CCDC91: variants seen among roughly 807,000 people sequenced by gnomAD.
CCDC91 encodes the protein coiled-coil domain containing 91.
CCDC91 carries 48 observed loss-of-function variants against 63.2 expected under a neutral mutation model. That is an observed-to-expected ratio of 0.76 (90% CI 0.60 to 0.97). The LOEUF (loss-of-function observed/expected upper bound fraction) is 0.97. Ranked by LOEUF, CCDC91 falls within the 50% of genes least tolerant of loss-of-function variation. The pLI is 0.00. For missense variants in CCDC91, 500 were observed against 494.6 expected (o/e 1.01, Z -0.10); for synonymous variants, 167 against 165.8 (o/e 1.01, Z -0.06).
At chr12:28,203,443 C>T (rs1200083991) in intron 1 of CCDC91, among the ~76,000 whole-genome samples, 4 of 152,160 alleles carry the variant, frequency 2.6e-5, no homozygotes, top group Admixed American at 2.6e-4. Flanking sequence ...TTATATTCCA[C>T]CACTTTGCTT....
chr12:28,263,990 G>GTT (rs1165945987), intron 3 of CCDC91, among the ~76,000 whole-genome samples: 29 of 141,506 alleles, frequency 2.0e-4, no homozygotes, highest in Non-Finnish European at 3.7e-4. Flanking sequence ...CTAAAAAGCT[G>GTT]TTTTTTTTTT....
intron 7 of CCDC91, among the ~76,000 whole-genome samples, chr12:28,372,660 G>A (rs1339687632): frequency 6.6e-6 from 1 of 151,958 alleles, no homozygotes; most frequent in Non-Finnish European, 1.5e-5. Context: ...TGGTGCTACT[G>A]ATGTGTGTAC....
At chr12:28,395,394 G>C (rs1946227368) in intron 8 of CCDC91, among the ~76,000 whole-genome samples, 1 of 152,184 alleles carries the variant, frequency 6.6e-6, no homozygotes, top group Admixed American at 6.5e-5. Context: ...CCTCACTTCA[G>C]ATGCCAGTTG....
At chr12:28,416,203 C>T (rs140140587) in intron 8 of CCDC91, among the ~76,000 whole-genome samples, 1 of 152,116 alleles carries the variant, frequency 6.6e-6, no homozygotes, top group Non-Finnish European at 1.5e-5. Context: ...TTATTTTTGT[C>T]AGTAAGTGTT....
chr12:28,211,133 C>A (rs541281114), intron 1 of CCDC91, among the ~76,000 whole-genome samples: 59 of 149,506 alleles, frequency 3.9e-4, no homozygotes, highest in Non-Finnish European at 5.9e-4. Flanking sequence ...CCTCAGAATT[C>A]TTTTTTGTGT....
intron 8 of CCDC91, among the ~76,000 whole-genome samples, chr12:28,401,502 C>T (rs963828845): frequency 1.3e-5 from 2 of 152,092 alleles, no homozygotes; most frequent in African/African-American, 4.8e-5. Flanking sequence ...CAGGAGGCCT[C>T]AGGAAACTTA....
intron 7 of CCDC91, among the ~76,000 whole-genome samples, chr12:28,378,571 A>T (rs1324011079): frequency 6.6e-6 from 1 of 152,096 alleles, no homozygotes; most frequent in Non-Finnish European, 1.5e-5. Context: ...AAGAGAGGAA[A>T]AGTAAAAATT....
intron 1 of CCDC91, among the ~76,000 whole-genome samples, chr12:28,220,565 A>G (rs1033406746): frequency 1.3e-5 from 2 of 150,918 alleles, no homozygotes; most frequent in Admixed American, 1.3e-4. Flanking sequence ...TCAGATTTCA[A>G]TCTGTTTTTG....
chr12:28,301,613 T>C (rs1938089587), intron 3 of CCDC91, among the ~76,000 whole-genome samples: 1 of 151,762 alleles, frequency 6.6e-6, no homozygotes, highest in South Asian at 2.1e-4. Flanking sequence ...ATTTTCAGTG[T>C]TCTTCTCAAT....
chr12:28,513,037 C>T (rs1035083744), intron 12 of CCDC91, among the ~76,000 whole-genome samples: 7 of 151,792 alleles, frequency 4.6e-5, no homozygotes, highest in African/African-American at 1.7e-4. Flanking sequence ...TCCAGGACTC[C>T]CTCAAAGGTA....
At chr12:28,393,312 C>T (rs930923851) in intron 8 of CCDC91, among the ~76,000 whole-genome samples, 1 of 151,776 alleles carries the variant, frequency 6.6e-6, no homozygotes, top group Non-Finnish European at 1.5e-5. Context: ...TTATAGTAGT[C>T]AGCTCTGTTA....
chr12:28,413,143 G>A (rs1051497678), intron 8 of CCDC91, among the ~76,000 whole-genome samples: 5 of 152,042 alleles, frequency 3.3e-5, no homozygotes, highest in African/African-American at 1.2e-4. Flanking sequence ...TACTATATAA[G>A]CTAGAACTCA....
At chr12:28,490,687 ATATAAT>A (rs1195146216) in intron 12 of CCDC91, among the ~76,000 whole-genome samples, 1 of 151,898 alleles carries the variant, frequency 6.6e-6, no homozygotes, top group East Asian at 1.9e-4. Context: ...TTTAAGGTTA[ATATAAT>A]TATGATTTTA....
chr12:28,272,229 A>C (rs1023875878), intron 3 of CCDC91, among the ~76,000 whole-genome samples: 14 of 151,848 alleles, frequency 9.2e-5, no homozygotes, highest in Non-Finnish European at 1.5e-4. Flanking sequence ...ATTTTCTTTG[A>C]TTAGAATTTT....
rs573387403 is a variant in CCDC91, at chr12:28,406,937, A to C, written c.762+15526A>C. 8.5e-5 allele frequency among the ~76,000 whole-genome samples: 13 copies of C among 152,134 alleles called. No individual in the cohort carries two copies. The South Asian group carries it at 2.5e-3, about 29-fold the overall frequency. On this transcript the variant is annotated intron_variant, in intron 8 of 12. Transcript: ENST00000536442. ...TTGTGCCCACACAAATCTCATGTTG[A>C]ATTTAAATTCCCAGTGTTGGAGTTG...
chr12:28,507,354 C>T (rs535517786), intron 12 of CCDC91, among the ~76,000 whole-genome samples: 2 of 152,092 alleles, frequency 1.3e-5, no homozygotes, highest in African/African-American at 4.8e-5. Flanking sequence ...TCTACAGTCA[C>T]TGTCCCATCT....
At chr12:28,307,874 CT>C (rs1200388696) in intron 6 of CCDC91, 125 bp downstream of exon 6, 2 of 621,186 alleles carry the variant, frequency 3.2e-6, no homozygotes, top group African/African-American at 3.9e-5. Context: ...ATATATAAAA[CT>C]GACCAACATG....
chr12:28,241,072 A>G (rs1945302689), intron 1 of CCDC91, among the ~76,000 whole-genome samples: 3 of 151,878 alleles, frequency 2.0e-5, no homozygotes, highest in Non-Finnish European at 4.4e-5. Context: ...ATTACTTTTT[A>G]TTTTTGCTAG....
At chr12:28,262,204 T>C (rs1020159035) in intron 3 of CCDC91, among the ~76,000 whole-genome samples, 6 of 152,044 alleles carry the variant, frequency 3.9e-5, no homozygotes, top group Admixed American at 6.6e-5. Context: ...AAGAAAAGAC[T>C]AATTTTCTCC....
Sources: gnomAD v4.1 joint callset for allele counts (sites outside exome capture counted in the v4.1 genomes callset) on GRCh38, gnomAD v4.1.1 for gene constraint, MANE v1.5 for transcripts, NCBI Gene and HGNC (gene_info 2026-07-23, HGNC 2026-07-21) for gene names.